Variants in BTD observed in about 807,000 individuals in gnomAD.
The protein encoded by BTD is biotinidase, also known as biocytinase.
Under a neutral mutation model 17.7 loss-of-function variants are expected in BTD, and 13 were observed. That is an observed-to-expected ratio of 0.74 (90% CI 0.48 to 1.17). The LOEUF is 1.17. BTD is among the 50% of genes most tolerant of loss of function. The pLI, the probability that BTD is intolerant of heterozygous loss-of-function variation, is 0.00. For synonymous variants in BTD, 240 were observed against 245.2 expected (o/e 0.98, Z 0.20); for missense variants, 674 against 650.4 (o/e 1.04, Z -0.39).
At chr3:15,715,945 T>C (rs1443762091), downstream of BTD, among the ~76,000 whole-genome samples, 2 of 151,998 alleles carry the variant, frequency 1.3e-5, no homozygotes. Flanking sequence ...AGATAGGATA[T>C]ATCCTAATTT....
chr3:15,688,177 T>A (rs187211234), intron 3 of BTD, among the ~76,000 whole-genome samples: 345 of 152,384 alleles, frequency 2.3e-3, no homozygotes, highest in Non-Finnish European at 4.0e-3. Flanking sequence ...AACCACTCCA[T>A]GCAAGCTTTA....
chr3:15,684,378 A>G (rs2067872081), intron 3 of BTD: 1 of 152,216 alleles, frequency 6.6e-6, no homozygotes, highest in Non-Finnish European at 1.5e-5. Flanking sequence ...TCTTTTAACC[A>G]TGTAGCAGAG....
intron 1 of BTD, among the ~76,000 whole-genome samples, chr3:15,604,194 C>T (rs1409372512): frequency 6.6e-6 from 1 of 152,268 alleles, no homozygotes; most frequent in African/African-American, 2.4e-5. Flanking sequence ...CTGCAACAAG[C>T]TTCTGCCTGG....
intron 1 of BTD, among the ~76,000 whole-genome samples, chr3:15,625,389 T>G (rs181289696): frequency 5.9e-5 from 9 of 152,318 alleles, no homozygotes; most frequent in Admixed American, 5.9e-4. Context: ...AATGCTTTGT[T>G]TCCTTTCCCT....
At chr3:15,610,485 A>G (rs887252229) in intron 1 of BTD, among the ~76,000 whole-genome samples, 6 of 152,200 alleles carry the variant, frequency 3.9e-5, no homozygotes, top group Admixed American at 6.5e-5. Flanking sequence ...GGCCTTTTTT[A>G]TAGTCAATTT....
chr3:15,687,194 C>A (rs982955220), intron 3 of BTD, among the ~76,000 whole-genome samples: 8 of 152,060 alleles, frequency 5.3e-5, no homozygotes, highest in Admixed American at 5.2e-4. Flanking sequence ...CCACCCACCT[C>A]GGCCTCCCAA....
At chr3:15,626,421 C>G (rs2065066765) in intron 1 of BTD, among the ~76,000 whole-genome samples, 1 of 152,120 alleles carries the variant, frequency 6.6e-6, no homozygotes, top group Middle Eastern at 3.2e-3. Context: ...ACCTCCATTA[C>G]CCAATCCTGT....
chr3:15,693,596 A>G (rs2069116529), intron 3 of BTD, among the ~76,000 whole-genome samples: 1 of 151,674 alleles, frequency 6.6e-6, no homozygotes, highest in East Asian at 1.9e-4. Flanking sequence ...TGAAATTATT[A>G]TAATGAGAAT....
At chr3:15,608,081 T>G (rs2064508583) in intron 1 of BTD, among the ~76,000 whole-genome samples, 1 of 152,168 alleles carries the variant, frequency 6.6e-6, no homozygotes, top group African/African-American at 2.4e-5. Flanking sequence ...TAATAAAAAC[T>G]CCCAGTGCCT....
intron 3 of BTD, among the ~76,000 whole-genome samples, chr3:15,706,345 G>GT (rs1355019183): frequency 1.4e-5 from 2 of 140,634 alleles, no homozygotes; most frequent in African/African-American, 2.7e-5. Context: ...GTGGTGTTTG[G>GT]TTTTTTGTCC....
intron 2 of BTD, among the ~76,000 whole-genome samples, chr3:15,637,996 C>T (rs1317364512): frequency 6.6e-6 from 1 of 152,136 alleles, no homozygotes; most frequent in Non-Finnish European, 1.5e-5. Context: ...ATCTCAGCTC[C>T]CATACGTGGT....
intron 1 of BTD, among the ~76,000 whole-genome samples, chr3:15,619,430 C>T (rs950115317): frequency 2.0e-5 from 3 of 152,192 alleles, no homozygotes; most frequent in South Asian, 2.1e-4. Context: ...TGTGATCTTT[C>T]TTATTTAGCC....
downstream of BTD, among the ~76,000 whole-genome samples, chr3:15,654,990 C>T (rs182863013): frequency 8.2e-4 from 125 of 152,318 alleles, 1 homozygote; most frequent in Admixed American, 1.4e-3. Context: ...GCCTTGGCCT[C>T]CCAAAGTGCT....
At chr3:15,708,015 C>A in intron 3 of BTD, 2 of 1,610,852 alleles carry the variant, frequency 1.2e-6, no homozygotes, top group Non-Finnish European at 1.7e-6. Flanking sequence ...CCCACAAGAG[C>A]AAACAGGCAC....
At chr3:15,709,785 A>T (rs368375758) in intron 3 of BTD, 2 of 1,282,808 alleles carry the variant, frequency 1.6e-6, no homozygotes, top group African/African-American at 3.0e-5. Flanking sequence ...GTGATTTTAT[A>T]ATGAAATTGG....
At chr3:15,707,016 T>C (rs1323816719) in intron 3 of BTD, among the ~76,000 whole-genome samples, 1 of 152,110 alleles carries the variant, frequency 6.6e-6, no homozygotes, top group African/African-American at 2.4e-5. Flanking sequence ...AATTAAAGAG[T>C]TTATACTAAA....
In BTD at chr3:15,710,840, A is replaced by G. The variant is rs981408009; in HGVS notation, c.*766A>G. On this transcript the variant is annotated 3_prime_UTR_variant, in exon 4 of 4. Transcript: ENST00000672141. The stretch of plus-strand genomic sequence containing the variant: ...AATGAACATTTTTTTCCTGGGGGAA[A>G]AAAAAATTAACAAATCTACTTAAAG... 8.5e-5 allele frequency among the ~76,000 whole-genome samples: 13 copies of G among 152,198 alleles called. 1 individual carries two copies. Among genetic ancestry groups the G allele is most frequent in the South Asian group, 6.2e-4 (3 of 4,818 alleles).
chr3:15,641,891 G>A lies in BTD; in HGVS notation c.250-17G>A, dbSNP rs1258827797. 1 of 1,560,906 alleles carries A rather than the reference G, an allele frequency of 6.4e-7. No homozygotes were observed. Reference sequence around the variant, plus strand: ...GCCATCTGATAACAGACTATTCTTTGATGTTTTCATTTTCAGGATGTACAG... The same window carrying A: ...GCCATCTGATAACAGACTATTCTTTAATGTTTTCATTTTCAGGATGTACAG... On this transcript the variant is annotated splice_polypyrimidine_tract_variant and intron_variant, in intron 2 of 3. Transcript: ENST00000643237.
intron 3 of BTD, 47 bp from the exon 4 acceptor site, chr3:15,644,269 G>A: frequency 6.3e-7 from 1 of 1,575,706 alleles, no homozygotes; most frequent in Non-Finnish European, 8.6e-7. Context: ...CACAGTGCTG[G>A]GATTACAGGC....
Sources: gnomAD v4.1 joint callset for allele counts (sites outside exome capture counted in the v4.1 genomes callset) on GRCh38, gnomAD v4.1.1 for gene constraint, MANE v1.5 for transcripts, NCBI Gene and HGNC (gene_info 2026-07-23, HGNC 2026-07-21) for gene names.